The following SHC4 variants were observed in gnomAD, a reference collection of about 807,000 sequenced individuals.
SHC4 encodes SHC adaptor protein 4.
SHC4 carries 41 observed loss-of-function variants against 69.4 expected under a neutral mutation model. The ratio of observed to expected loss-of-function variants is 0.59; its 90% CI spans 0.46 to 0.77. SHC4 has a LOEUF of 0.77. Ranked by LOEUF, SHC4 falls within the 30% of genes least tolerant of loss-of-function variation. SHC4 has a pLI of 0.00. For missense variants in SHC4, 777 were observed against 783.8 expected, an observed-to-expected ratio of 0.99 and a Z score of 0.10; for synonymous variants, 318 against 299.3, an observed-to-expected ratio of 1.06 and a Z score of -0.64.
chr15:48,914,820 C>G (rs951415707), intron 2 of SHC4, among the ~76,000 whole-genome samples: 1 of 152,160 alleles, frequency 6.6e-6, no homozygotes, highest in Admixed American at 6.5e-5. Context: ...TAAGCAGATT[C>G]ACATTGTTGT....
chr15:48,923,222 C>T (rs968606727), intron 2 of SHC4, among the ~76,000 whole-genome samples: 3 of 152,020 alleles, frequency 2.0e-5, no homozygotes, highest in African/African-American at 7.2e-5. Context: ...TTCTGTTATA[C>T]GAGAAAAGGA....
At chr15:48,927,776 T>C (rs1054707626) in intron 1 of SHC4, among the ~76,000 whole-genome samples, 3 of 152,088 alleles carry the variant, frequency 2.0e-5, no homozygotes, top group African/African-American at 4.8e-5. Flanking sequence ...ACAAACCCCT[T>C]CTCATCTTTC....
chr15:48,859,736 T>C (rs1021330064), intron 6 of SHC4, among the ~76,000 whole-genome samples: 1 of 152,228 alleles, frequency 6.6e-6, no homozygotes, highest in Non-Finnish European at 1.5e-5. Flanking sequence ...TGGGACATGT[T>C]CTTATAGCTA....
At chr15:48,914,594 T>C (rs1595755604) in intron 2 of SHC4, among the ~76,000 whole-genome samples, 1 of 152,332 alleles carries the variant, frequency 6.6e-6, no homozygotes. Flanking sequence ...CTCTTTGCTG[T>C]ATGACATGCT....
At chr15:48,847,931 G>A (rs899361520) in intron 9 of SHC4, among the ~76,000 whole-genome samples, 1 of 151,062 alleles carries the variant, frequency 6.6e-6, no homozygotes, top group Non-Finnish European at 1.5e-5. Context: ...GAACCCGGGA[G>A]GCAGAGATTG....
At chr15:48,873,160 G>A (rs893944611) in intron 4 of SHC4, among the ~76,000 whole-genome samples, 2 of 152,138 alleles carry the variant, frequency 1.3e-5, no homozygotes, top group African/African-American at 4.8e-5. Context: ...CAACATGTTT[G>A]CTGAGCAAAA....
chr15:48,950,703 A>C (rs1372531939), intron 1 of SHC4, among the ~76,000 whole-genome samples: 3 of 152,178 alleles, frequency 2.0e-5, no homozygotes, highest in African/African-American at 4.8e-5. Flanking sequence ...AGCAAGACAG[A>C]GTGAGTGGTC....
chr15:48,956,614 C>T lies in SHC4; in HGVS notation c.585+5817G>A, dbSNP rs562228293. Among the ~76,000 whole-genome samples, 3 of 152,236 alleles carry T rather than the reference C, an allele frequency of 2.0e-5. No individual in the cohort carries two copies. The South Asian group carries it at 6.2e-4, about 32-fold the overall frequency. On this transcript the variant is annotated intron_variant, in intron 1 of 11. Transcript: ENST00000332408. ...CCGAACTAGCCCACCCTTCACCCCTCCCTGGAATTCTACTCTTGGATGCTG... is the reference window on the plus strand; with the variant it reads ...CCGAACTAGCCCACCCTTCACCCCTTCCTGGAATTCTACTCTTGGATGCTG...
At chr15:48,905,636 G>T (rs1595752096) in intron 2 of SHC4, among the ~76,000 whole-genome samples, 1 of 152,230 alleles carries the variant, frequency 6.6e-6, no homozygotes, top group Admixed American at 6.5e-5. Context: ...GGCCTGGGAA[G>T]AAATCACTGG....
intron 2 of SHC4, among the ~76,000 whole-genome samples, chr15:48,918,193 A>G (rs1334585586): frequency 6.6e-6 from 1 of 152,212 alleles, no homozygotes; most frequent in Non-Finnish European, 1.5e-5. Context: ...AAACACAACA[A>G]AAGATCCCGT....
intron 9 of SHC4, among the ~76,000 whole-genome samples, chr15:48,849,508 T>C (rs1899165644): frequency 6.6e-6 from 1 of 152,234 alleles, no homozygotes; most frequent in Admixed American, 6.5e-5. Context: ...CCTCTAGCTC[T>C]AGCACCCAGC....
intron 7 of SHC4, among the ~76,000 whole-genome samples, chr15:48,857,200 T>C (rs1005804491): frequency 6.6e-6 from 1 of 152,194 alleles, no homozygotes; most frequent in African/African-American, 2.4e-5. Context: ...CGTGTTCCAC[T>C]CTAACCACAG....
At chr15:48,847,494 C>T (rs1899114874) in intron 9 of SHC4, among the ~76,000 whole-genome samples, 1 of 152,126 alleles carries the variant, frequency 6.6e-6, no homozygotes, top group Non-Finnish European at 1.5e-5. Context: ...CAACCAGAGG[C>T]TACTGCAGTA....
intron 2 of SHC4, among the ~76,000 whole-genome samples, chr15:48,906,853 T>C (rs1205259178): frequency 1.3e-5 from 2 of 152,176 alleles, no homozygotes; most frequent in Non-Finnish European, 2.9e-5. Context: ...GGCAAGCAGA[T>C]GAACTGAAAA....
Position 48,883,777 on chromosome 15 carries a change from T to G in SHC4, c.840+471A>C, listed in dbSNP as rs559638913. On this transcript the variant is annotated intron_variant, in intron 4 of 11. Coordinates refer to ENST00000332408, the MANE Select transcript of SHC4 (RefSeq NM_203349.4). ...TTATACAATAACATTTTAGAAAGCT[T>G]CTCAACCACAAGAATTGGAAGAAAA... is the stretch of plus-strand genomic sequence containing the variant. Among the ~76,000 whole-genome samples, 4 of 152,330 alleles carry G rather than the reference T, an allele frequency of 2.6e-5. No individual in the cohort carries two copies. The East Asian group carries it at 7.7e-4, about 29-fold the overall frequency.
In SHC4 at chr15:48,963,840, C is replaced by T. The variant is rs1228119856; in HGVS notation, c.-825G>A. Among the ~76,000 whole-genome samples the T allele has an allele frequency of 6.6e-6, 1 of 152,198 alleles. No homozygotes were observed. The highest frequency in any genetic ancestry group is 6.5e-5 in the Admixed American group (1 of 15,278). ...GAAAGCTGAGATGTGCAGGATGATA[C>T]GCAGCGTGTTGAAATTTTTATGAAT... On this transcript the variant is annotated 5_prime_UTR_variant, in exon 1 of 12. Transcript: ENST00000332408.
At chr15:48,918,519 C>T (rs897713195) in intron 2 of SHC4, among the ~76,000 whole-genome samples, 2 of 152,124 alleles carry the variant, frequency 1.3e-5, no homozygotes, top group African/African-American at 4.8e-5. Context: ...GTTTTGTTAC[C>T]GATTGTCTTA....
At chr15:48,882,307 C>T (rs1899960857) in intron 4 of SHC4, among the ~76,000 whole-genome samples, 1 of 152,138 alleles carries the variant, frequency 6.6e-6, no homozygotes, top group Admixed American at 6.5e-5. Flanking sequence ...AAAATCAGCC[C>T]TCAGGTCTGA....
chr15:48,873,908 T>G (rs1320397609), intron 4 of SHC4, among the ~76,000 whole-genome samples: 1 of 152,164 alleles, frequency 6.6e-6, no homozygotes, highest in African/African-American at 2.4e-5. Context: ...TATATATCAC[T>G]CTCATGGATG....
Sources: gnomAD v4.1 joint callset for allele counts (sites outside exome capture counted in the v4.1 genomes callset) on GRCh38, gnomAD v4.1.1 for gene constraint, MANE v1.5 for transcripts, NCBI Gene and HGNC (gene_info 2026-07-23, HGNC 2026-07-21) for gene names.